The following AFG2A variants were observed in gnomAD, a reference collection of about 807,000 sequenced individuals.
AFG2A encodes the protein ATPase family gene 2 protein homolog A.
At chr4:123,168,002 C>A in the AFG2A span, among the ~76,000 whole-genome samples, 1 of 152,170 alleles carries the variant, frequency 6.6e-6, no homozygotes, top group African/African-American at 2.4e-5. Flanking sequence ...CCTATGCACA[C>A]CAAACTGATT....
chr4:123,077,601 G>A, the AFG2A span, among the ~76,000 whole-genome samples: 1 of 152,162 alleles, frequency 6.6e-6, no homozygotes, highest in Non-Finnish European at 1.5e-5. Context: ...AAGAGGTGAT[G>A]CATATGGGCC....
chr4:123,131,565 A>T, the AFG2A span, among the ~76,000 whole-genome samples: 1 of 152,138 alleles, frequency 6.6e-6, no homozygotes, highest in East Asian at 1.9e-4. Flanking sequence ...GATACCTCAT[A>T]TAAGTGGAAT....
chr4:123,059,906 GATGGTGAGCATTTTT>G, the AFG2A span, among the ~76,000 whole-genome samples: 1 of 152,206 alleles, frequency 6.6e-6, no homozygotes, highest in African/African-American at 2.4e-5. Context: ...GATGGCCAGT[GATGGTGAGCATTTTT>G]TCATGTGTTT....
the AFG2A span, among the ~76,000 whole-genome samples, chr4:123,147,777 C>G: frequency 6.6e-6 from 1 of 152,100 alleles, no homozygotes; most frequent in East Asian, 1.9e-4. Context: ...AAGAAACGAA[C>G]TTTCTATAAC....
the AFG2A span, among the ~76,000 whole-genome samples, chr4:123,185,144 A>G: frequency 1.3e-5 from 2 of 152,124 alleles, no homozygotes; most frequent in African/African-American, 4.8e-5. Flanking sequence ...GCTCTTTTGA[A>G]AGTATTAAGT....
the AFG2A span, among the ~76,000 whole-genome samples, chr4:122,933,229 G>C: frequency 6.6e-6 from 1 of 152,164 alleles, no homozygotes; most frequent in Non-Finnish European, 1.5e-5. Flanking sequence ...GGCCACTAAG[G>C]CACCAGATTC....
the AFG2A span, among the ~76,000 whole-genome samples, chr4:123,125,762 A>G: frequency 6.6e-6 from 1 of 152,326 alleles, no homozygotes; most frequent in South Asian, 2.1e-4. Context: ...AAATATTTAA[A>G]CAAAAATCTG....
chr4:123,257,893 G>T, the AFG2A span, among the ~76,000 whole-genome samples: 16 of 152,162 alleles, frequency 1.1e-4, no homozygotes, highest in East Asian at 3.1e-3. Context: ...AACCCAGTGA[G>T]ATTCTATCTG....
chr4:123,014,551 A>G, the AFG2A span, among the ~76,000 whole-genome samples: 2 of 152,136 alleles, frequency 1.3e-5, no homozygotes, highest in Non-Finnish European at 2.9e-5. Flanking sequence ...ATAAGGTTTG[A>G]CTTCATGCAT....
the AFG2A span, among the ~76,000 whole-genome samples, chr4:122,930,788 G>A: frequency 1.3e-5 from 2 of 152,150 alleles, no homozygotes; most frequent in African/African-American, 2.4e-5. Flanking sequence ...ACTGGAATTA[G>A]CATTTATGAT....
chr4:123,102,766 C>T, the AFG2A span, among the ~76,000 whole-genome samples: 1 of 145,942 alleles, frequency 6.9e-6, no homozygotes, highest in African/African-American at 2.5e-5. Flanking sequence ...AGAGTATTAA[C>T]AATAATGAAG....
the AFG2A span, among the ~76,000 whole-genome samples, chr4:123,253,469 G>A: frequency 7.3e-6 from 1 of 137,460 alleles, no homozygotes; most frequent in Non-Finnish European, 1.6e-5. Flanking sequence ...TGGGCAACAA[G>A]AGCGAAACTC....
chr4:122,937,801 C>T, the AFG2A span, among the ~76,000 whole-genome samples: 3 of 152,096 alleles, frequency 2.0e-5, no homozygotes, highest in Non-Finnish European at 2.9e-5. Flanking sequence ...TATCTCTGGC[C>T]TCAGCTTCTG....
chr4:123,264,559 C>G, the AFG2A span, among the ~76,000 whole-genome samples: 1 of 152,082 alleles, frequency 6.6e-6, no homozygotes, highest in Non-Finnish European at 1.5e-5. Context: ...ATATGGCTCT[C>G]TGTTGTAAAT....
At chr4:123,244,185 G>A in the AFG2A span, among the ~76,000 whole-genome samples, 1 of 151,982 alleles carries the variant, frequency 6.6e-6, no homozygotes, top group African/African-American at 2.4e-5. Context: ...CAGGACTGAC[G>A]GAACTCAGAA....
chr4:123,005,663 C>G, the AFG2A span, among the ~76,000 whole-genome samples: 2,168 of 152,308 alleles, frequency 0.014, 56 homozygotes, highest in African/African-American at 0.05. Flanking sequence ...TTAGCGGCAT[C>G]ACACATATTT....
chr4:123,018,950 C>T, the AFG2A span, among the ~76,000 whole-genome samples: 1 of 151,852 alleles, frequency 6.6e-6, no homozygotes, highest in South Asian at 2.1e-4. Context: ...AATCAAAATG[C>T]AAAATTGGTT....
the AFG2A span, among the ~76,000 whole-genome samples, chr4:122,985,196 G>GCTCATCGCAACCTCTGC: frequency 3.0e-4 from 46 of 151,372 alleles, no homozygotes; most frequent in Middle Eastern, 3.4e-3. Context: ...TGCAATCTCG[G>GCTCATCGCAACCTCTGC]CTCATCGCAA....
At chr4:123,034,437 G>A in the AFG2A span, among the ~76,000 whole-genome samples, 1 of 151,716 alleles carries the variant, frequency 6.6e-6, no homozygotes, top group Non-Finnish European at 1.5e-5. Flanking sequence ...TAAAATCACT[G>A]ACTAGTACTC....
Sources: gnomAD v4.1 joint callset for allele counts (sites outside exome capture counted in the v4.1 genomes callset) on GRCh38, gnomAD v4.1.1 for gene constraint, MANE v1.5 for transcripts, NCBI Gene and HGNC (gene_info 2026-07-23, HGNC 2026-07-21) for gene names.